NEGR1: variants seen among roughly 807,000 people sequenced by gnomAD.
NEGR1 encodes the protein IgLON family member 4.
In NEGR1, 10 loss-of-function variants were observed where a neutral mutation model predicts 40.9. The ratio of observed to expected loss-of-function variants is 0.24; its 90% CI spans 0.15 to 0.42. NEGR1 has a LOEUF of 0.42. NEGR1 is among the 10% of genes least tolerant of loss of function. The probability of loss-of-function intolerance (pLI) is 1.00; values close to 1 mark genes in which losing one functional copy is unlikely to be tolerated. For missense variants in NEGR1, 352 were observed against 438.9 expected (o/e 0.80, Z 1.77); for synonymous variants, 185 against 166.8 (o/e 1.11, Z -0.84).
intron 1 of NEGR1, among the ~76,000 whole-genome samples, chr1:71,973,666 T>C (rs1161497055): frequency 6.6e-6 from 1 of 152,162 alleles, no homozygotes; most frequent in East Asian, 1.9e-4. Flanking sequence ...CTTAGCAAAA[T>C]GAATCTCACA....
chr1:71,826,301 C>T (rs887467297), intron 2 of NEGR1, among the ~76,000 whole-genome samples: 2 of 151,910 alleles, frequency 1.3e-5, no homozygotes, highest in African/African-American at 4.8e-5. Context: ...TAGCAACTTT[C>T]ATGATGATAG....
At chr1:72,027,208 G>C (rs183223824) in intron 1 of NEGR1, among the ~76,000 whole-genome samples, 48 of 152,246 alleles carry the variant, frequency 3.2e-4, no homozygotes, top group Non-Finnish European at 6.0e-4. Flanking sequence ...TTACAGGCTT[G>C]AGCCACCGCA....
chr1:71,795,483 G>T (rs1433131160), intron 2 of NEGR1, among the ~76,000 whole-genome samples: 2 of 151,972 alleles, frequency 1.3e-5, no homozygotes, highest in Non-Finnish European at 2.9e-5. Flanking sequence ...TGAAAAACTT[G>T]AATTGCCATC....
rs1167680827 is a variant in NEGR1, at chr1:72,129,868, C to A, written c.176+152451G>T. ...CTGCCTTCAAAATAAATTCAAAATA[C>A]AACCACTTTTCACTATCTGGACTGT... On this transcript the variant is annotated intron_variant, in intron 1 of 6. Transcript: ENST00000357731. 1.5e-4 allele frequency among the ~76,000 whole-genome samples: 23 copies of A among 152,240 alleles called. 1 individual carries two copies. In the East Asian group the frequency reaches 4.4e-3, roughly 29 times the overall value.
At chr1:71,658,943 G>A (rs927129940) in intron 4 of NEGR1, among the ~76,000 whole-genome samples, 1 of 152,108 alleles carries the variant, frequency 6.6e-6, no homozygotes, top group Non-Finnish European at 1.5e-5. Context: ...TAAAGGTCTT[G>A]ATTATTATTT....
At position 71,657,159 on chromosome 1, in the gene NEGR1, T is replaced by C. The variant is rs74702208; in HGVS notation, c.667+40849A>G. On this transcript the variant is annotated intron_variant, in intron 4 of 6. Coordinates refer to ENST00000357731, the MANE Select transcript of NEGR1 (RefSeq NM_173808.3). ...ACACTCAGACAGTGAATCACAGTAG[T>C]ATAAAGAACTAGTGAATTCTTTAAA... is the stretch of plus-strand genomic sequence containing the variant. 4.6e-3 allele frequency among the ~76,000 whole-genome samples: 708 copies of C among 152,330 alleles called. 1 individual carries two copies. Among genetic ancestry groups the C allele is most frequent in the Middle Eastern group, 6.8e-3 (2 of 294 alleles).
intron 6 of NEGR1, among the ~76,000 whole-genome samples, chr1:71,561,027 G>A (rs1648439911): frequency 6.6e-6 from 1 of 151,540 alleles, no homozygotes; most frequent in South Asian, 2.1e-4. Context: ...ATTGGGAAAA[G>A]ATTTCATAAT....
chr1:72,041,070 A>T (rs1483893770), intron 1 of NEGR1, among the ~76,000 whole-genome samples: 1 of 152,024 alleles, frequency 6.6e-6, no homozygotes, highest in East Asian at 1.9e-4. Flanking sequence ...GAGAATATCA[A>T]TTTCCCTATA....
intron 4 of NEGR1, among the ~76,000 whole-genome samples, chr1:71,689,767 AATAAT>A (rs1214960382): frequency 2.0e-5 from 3 of 151,536 alleles, no homozygotes; most frequent in Non-Finnish European, 4.4e-5. Flanking sequence ...AGAGGAAACG[AATAAT>A]ATGGCAGTCA....
chr1:71,639,124 G>T (rs1175414794), intron 4 of NEGR1, among the ~76,000 whole-genome samples: 1 of 150,216 alleles, frequency 6.7e-6, no homozygotes, highest in African/African-American at 2.5e-5. Flanking sequence ...CTGGTGCTCA[G>T]AGTACAGTGT....
At chr1:71,579,802 G>A (rs1649077225) in intron 6 of NEGR1, among the ~76,000 whole-genome samples, 1 of 151,974 alleles carries the variant, frequency 6.6e-6, no homozygotes, top group Non-Finnish European at 1.5e-5. Context: ...TTATGACCAG[G>A]TTATATGTTT....
At chr1:71,709,443 C>T (rs1654009441) in intron 3 of NEGR1, among the ~76,000 whole-genome samples, 1 of 152,114 alleles carries the variant, frequency 6.6e-6, no homozygotes, top group Non-Finnish European at 1.5e-5. Context: ...ACATGTATGT[C>T]TTCTTTTGAG....
In NEGR1 at chr1:71,482,492, C is replaced by A. The variant is rs370545670; in HGVS notation, c.941-74922G>T. Among the ~76,000 whole-genome samples, 2 of 151,768 alleles carry A rather than the reference C, an allele frequency of 1.3e-5. 1 individual carries two copies. The highest frequency in any genetic ancestry group is 3.9e-4 in the East Asian group (2 of 5,152). On this transcript the variant is annotated intron_variant, in intron 6 of 6. Coordinates refer to ENST00000357731, the MANE Select transcript of NEGR1 (RefSeq NM_173808.3). Reference sequence around the variant, plus strand: ...ATACACTTGTCAAGAAAGCAATCACCATTTTAAACAAACCCCAGCATCAAA... The same window carrying A: ...ATACACTTGTCAAGAAAGCAATCACAATTTTAAACAAACCCCAGCATCAAA...
At chr1:71,646,935 C>T (rs1258406634) in intron 4 of NEGR1, among the ~76,000 whole-genome samples, 1 of 151,716 alleles carries the variant, frequency 6.6e-6, no homozygotes, top group Non-Finnish European at 1.5e-5. Flanking sequence ...AAGAAACAGA[C>T]TATAAGCGAA....
At chr1:72,234,467 G>T (rs1057171183) in intron 1 of NEGR1, among the ~76,000 whole-genome samples, 47 of 151,960 alleles carry the variant, frequency 3.1e-4, no homozygotes, top group African/African-American at 1.1e-3. Context: ...TTACAGCAAA[G>T]AAAACTATCA....
At chr1:71,713,586 T>C (rs1378360444) in intron 3 of NEGR1, among the ~76,000 whole-genome samples, 1 of 152,208 alleles carries the variant, frequency 6.6e-6, no homozygotes, top group Non-Finnish European at 1.5e-5. Flanking sequence ...TGTGCTAAAA[T>C]TAAATCAATC....
intron 3 of NEGR1, among the ~76,000 whole-genome samples, chr1:71,710,011 G>T (rs968669621): frequency 6.6e-6 from 1 of 152,132 alleles, no homozygotes; most frequent in Non-Finnish European, 1.5e-5. Context: ...TTAATAACCA[G>T]AATATATAAG....
chr1:72,227,450 AG>A (rs1654227536), intron 1 of NEGR1, among the ~76,000 whole-genome samples: 2 of 152,170 alleles, frequency 1.3e-5, no homozygotes, highest in South Asian at 4.1e-4. Flanking sequence ...CAAGAGAAGC[AG>A]GGGGAACCAT....
At chr1:71,978,019 A>G (rs542685882) in intron 1 of NEGR1, among the ~76,000 whole-genome samples, 8 of 152,292 alleles carry the variant, frequency 5.3e-5, no homozygotes, top group African/African-American at 1.9e-4. Context: ...AACTGATTTT[A>G]TTGGTGATGA....
Sources: gnomAD v4.1 joint callset for allele counts (sites outside exome capture counted in the v4.1 genomes callset) on GRCh38, gnomAD v4.1.1 for gene constraint, MANE v1.5 for transcripts, NCBI Gene and HGNC (gene_info 2026-07-23, HGNC 2026-07-21) for gene names.